ADAMTS17: variants seen among roughly 807,000 people sequenced by gnomAD.
ADAMTS17 encodes A disintegrin and metalloproteinase with thrombospondin motifs 17.
A neutral mutation model predicts 141.5 loss-of-function variants in ADAMTS17; 113 were observed. That is an observed-to-expected ratio of 0.80 (90% CI 0.69 to 0.93). ADAMTS17 has a LOEUF of 0.93. Among genes scored for constraint, ADAMTS17 ranks in the 40% least tolerant of loss-of-function variants. The pLI is 0.00. For missense variants in ADAMTS17, 1,659 were observed against 1,517.9 expected (o/e 1.09, Z -1.54); for synonymous variants, 768 against 630.6 (o/e 1.22, Z -3.27).
At chr15:100,080,674 A>G (rs1200064386) in intron 15 of ADAMTS17, among the ~76,000 whole-genome samples, 2 of 152,184 alleles carry the variant, frequency 1.3e-5, no homozygotes, top group African/African-American at 4.8e-5. Flanking sequence ...TGAAGTCTGT[A>G]ATTATTTCCT....
At chr15:100,070,865 T>A (rs1167034112) in intron 15 of ADAMTS17, among the ~76,000 whole-genome samples, 3 of 149,552 alleles carry the variant, frequency 2.0e-5, no homozygotes, top group African/African-American at 7.4e-5. Context: ...ATTCAAAAGC[T>A]AGCAGAAGGC....
chr15:99,988,924 T>G (rs1392285057), intron 20 of ADAMTS17, among the ~76,000 whole-genome samples: 2 of 152,190 alleles, frequency 1.3e-5, no homozygotes, highest in South Asian at 2.1e-4. Flanking sequence ...ATGTTTTGGT[T>G]GTTTTGCAGC....
At chr15:99,986,158 G>T (rs1478359268) in intron 20 of ADAMTS17, among the ~76,000 whole-genome samples, 2 of 152,258 alleles carry the variant, frequency 1.3e-5, no homozygotes, top group Non-Finnish European at 2.9e-5. Context: ...GCAGGGTGGG[G>T]CAGGGGGGTT....
chr15:100,298,684 A>C (rs1007232059), intron 3 of ADAMTS17, among the ~76,000 whole-genome samples: 3 of 152,152 alleles, frequency 2.0e-5, no homozygotes, highest in Non-Finnish European at 2.9e-5. Context: ...GAAAGAGAGA[A>C]AATGCCAGGC....
At chr15:100,101,625 C>G (rs376958491) in intron 14 of ADAMTS17, among the ~76,000 whole-genome samples, 62 of 152,308 alleles carry the variant, frequency 4.1e-4, no homozygotes, top group African/African-American at 1.4e-3. Flanking sequence ...TGGCCTTCCC[C>G]CATCCTCTGA....
At chr15:100,238,623 C>G (rs1356273693) in intron 7 of ADAMTS17, among the ~76,000 whole-genome samples, 1 of 152,214 alleles carries the variant, frequency 6.6e-6, no homozygotes, top group African/African-American at 2.4e-5. Flanking sequence ...GGGCACAGGT[C>G]TGGCAGACAA....
intron 14 of ADAMTS17, among the ~76,000 whole-genome samples, chr15:100,104,991 G>C (rs1008818156): frequency 2.0e-5 from 3 of 152,242 alleles, no homozygotes; most frequent in Non-Finnish European, 1.5e-5. Flanking sequence ...ATCGATTTAA[G>C]AGTGGGCTGA....
chr15:100,328,351 C>T (rs140457243), intron 3 of ADAMTS17, among the ~76,000 whole-genome samples: 63 of 152,320 alleles, frequency 4.1e-4, no homozygotes, highest in Non-Finnish European at 8.4e-4. Context: ...TTGTCATTCT[C>T]AGGACAGCCA....
intron 4 of ADAMTS17, among the ~76,000 whole-genome samples, chr15:100,268,769 G>C (rs1208938448): frequency 2.0e-5 from 3 of 152,078 alleles, no homozygotes; most frequent in Non-Finnish European, 4.4e-5. Flanking sequence ...CACAGAATTA[G>C]AAAAAACTAT....
At chr15:100,274,281 A>C (rs556247435) in intron 4 of ADAMTS17, among the ~76,000 whole-genome samples, 1 of 152,334 alleles carries the variant, frequency 6.6e-6, no homozygotes, top group East Asian at 1.9e-4. Context: ...TGAAATCTCC[A>C]ACTATTATTG....
chr15:100,163,658 T>C (rs114327763), intron 8 of ADAMTS17, among the ~76,000 whole-genome samples: 2,235 of 152,194 alleles, frequency 0.015, 63 homozygotes, highest in African/African-American at 0.051. Flanking sequence ...GCTAGTGAAG[T>C]TTAAATTCTA....
At position 100,116,559 on chromosome 15, in the gene ADAMTS17, G is replaced by A. The variant is rs568643831; in HGVS notation, c.1888+288C>T. 4.6e-5 allele frequency among the ~76,000 whole-genome samples: 7 copies of A among 152,336 alleles called. No individual in the cohort carries two copies. In the East Asian group the frequency reaches 5.8e-4, roughly 13 times the overall value. On this transcript the variant is annotated intron_variant, in intron 13 of 21. Coordinates refer to ENST00000268070, the MANE Select transcript of ADAMTS17 (RefSeq NM_139057.4). Reference sequence around the variant, plus strand: ...CGTCCTGGGTCCCTCCACACATGGCGCCAGGGGCAGGATGCCAGCACAGCC... The same window carrying A: ...CGTCCTGGGTCCCTCCACACATGGCACCAGGGGCAGGATGCCAGCACAGCC...
At chr15:99,987,713 C>A (rs999887389) in intron 20 of ADAMTS17, among the ~76,000 whole-genome samples, 1 of 152,024 alleles carries the variant, frequency 6.6e-6, no homozygotes, top group Admixed American at 6.5e-5. Context: ...GACATGGGGT[C>A]CCCACCACCA....
At chr15:100,196,974 T>C (rs994732051) in intron 8 of ADAMTS17, among the ~76,000 whole-genome samples, 3 of 152,256 alleles carry the variant, frequency 2.0e-5, no homozygotes, top group African/African-American at 7.2e-5. Flanking sequence ...TGTTTGTTTT[T>C]GTCGGTAATT....
At chr15:100,191,415 T>C (rs2040912310) in intron 8 of ADAMTS17, among the ~76,000 whole-genome samples, 1 of 152,232 alleles carries the variant, frequency 6.6e-6, no homozygotes, top group African/African-American at 2.4e-5. Flanking sequence ...AGGCTTTTAA[T>C]GGCTTTCTGT....
At chr15:100,252,805 C>T (rs1050363411) in intron 7 of ADAMTS17, among the ~76,000 whole-genome samples, 2 of 152,074 alleles carry the variant, frequency 1.3e-5, no homozygotes, top group Non-Finnish European at 2.9e-5. Flanking sequence ...GTTAGAGGAC[C>T]GATGAAGTGT....
At chr15:100,133,124 A>G in intron 11 of ADAMTS17, 90 bp downstream of exon 11, 2 of 1,285,886 alleles carry the variant, frequency 1.6e-6, no homozygotes, top group Non-Finnish European at 2.2e-6. Context: ...GGGGCTCCTA[A>G]GTAGAGTACA....
chr15:100,180,870 C>T (rs2040499530), intron 8 of ADAMTS17, among the ~76,000 whole-genome samples: 1 of 152,202 alleles, frequency 6.6e-6, no homozygotes. Flanking sequence ...CAGCAGGTGG[C>T]AGAGCCAGCA....
At chr15:100,166,681 C>T (rs2039963765) in intron 8 of ADAMTS17, among the ~76,000 whole-genome samples, 1 of 152,192 alleles carries the variant, frequency 6.6e-6, no homozygotes, top group Admixed American at 6.5e-5. Context: ...TTCCTAAACT[C>T]CTGGGCTTGT....
Sources: allele counts gnomAD v4.1 joint callset (sites outside exome capture counted in the v4.1 genomes callset), GRCh38; gene constraint gnomAD v4.1.1; transcripts MANE v1.5; gene names NCBI Gene and HGNC (gene_info 2026-07-23, HGNC 2026-07-21).